PCCA: variants seen among roughly 807,000 people sequenced by gnomAD.
The protein encoded by PCCA is propionyl-CoA carboxylase subunit alpha.
A neutral mutation model predicts 101.3 loss-of-function variants in PCCA; 74 were observed. The ratio of observed to expected loss-of-function variants is 0.73; its 90% CI spans 0.61 to 0.89. PCCA has a LOEUF of 0.89. PCCA is among the 40% of genes least tolerant of loss of function. PCCA has a pLI of 0.00. For synonymous variants in PCCA, 294 were observed against 313.6 expected (o/e 0.94, Z 0.66); for missense variants, 891 against 907.0 (o/e 0.98, Z 0.23).
intron 16 of PCCA, among the ~76,000 whole-genome samples, chr13:100,315,746 T>A (rs1182098378): frequency 6.6e-6 from 1 of 152,160 alleles, no homozygotes; most frequent in East Asian, 1.9e-4. Flanking sequence ...GGCCTGGTGG[T>A]GATTTCCCAT....
intron 16 of PCCA, among the ~76,000 whole-genome samples, chr13:100,311,270 G>T (rs1316890257): frequency 1.3e-5 from 2 of 151,750 alleles, no homozygotes; most frequent in Non-Finnish European, 2.9e-5. Context: ...AAATAATTAC[G>T]TGATTTTTGT....
At chr13:100,150,860 G>A in intron 4 of PCCA, 1 of 1,573,930 alleles carries the variant, frequency 6.4e-7, no homozygotes. Context: ...GCCATAAGTT[G>A]CACCCTTAGG....
chr13:100,507,700 G>A (rs2152993079), intron 21 of PCCA, among the ~76,000 whole-genome samples: 1 of 152,114 alleles, frequency 6.6e-6, no homozygotes, highest in South Asian at 2.1e-4. Flanking sequence ...ACTGTGGCCT[G>A]GGCTGGAGTG....
Position 100,211,407 on chromosome 13 carries a change from A to G in PCCA, c.600+1944A>G, listed in dbSNP as rs866193088. Among the ~76,000 whole-genome samples, 3 of 152,198 alleles carry G rather than the reference A, an allele frequency of 2.0e-5. No individual in the cohort carries two copies. The South Asian group carries it at 6.2e-4, about 32-fold the overall frequency. ...ACTGAATTTCTCTTGCAAAGCTACC[A>G]GCAACCTCTTCCCTTTGTTAAATCA... is the stretch of plus-strand genomic sequence containing the variant. On this transcript the variant is annotated intron_variant, in intron 7 of 23. Transcript: ENST00000376285.
chr13:100,454,163 C>T (rs953850767), intron 21 of PCCA, among the ~76,000 whole-genome samples: 8 of 151,800 alleles, frequency 5.3e-5, no homozygotes, highest in African/African-American at 4.8e-5. Context: ...CGTGAGCCAC[C>T]GCACCTGGCC....
chr13:100,417,480 A>G (rs59886458), intron 19 of PCCA, among the ~76,000 whole-genome samples: 5,783 of 152,256 alleles, frequency 0.038, 418 homozygotes, highest in African/African-American at 0.13. Context: ...TCATCTTTAC[A>G]AAGATTATTC....
At chr13:100,090,714 A>T (rs914986237) in intron 1 of PCCA, among the ~76,000 whole-genome samples, 3 of 152,192 alleles carry the variant, frequency 2.0e-5, no homozygotes, top group African/African-American at 7.2e-5. Flanking sequence ...CAAGATTTTG[A>T]ATTCTGTGTT....
At chr13:100,310,472 A>G (rs976414235) in intron 16 of PCCA, among the ~76,000 whole-genome samples, 1 of 152,178 alleles carries the variant, frequency 6.6e-6, no homozygotes, top group African/African-American at 2.4e-5. Context: ...CATGAATTTG[A>G]GAGTCTGAAT....
intron 21 of PCCA, among the ~76,000 whole-genome samples, chr13:100,476,140 T>C (rs1190854641): frequency 1.3e-5 from 2 of 152,190 alleles, no homozygotes; most frequent in Non-Finnish European, 2.9e-5. Context: ...GGAAGGTCAT[T>C]ATATAAGGAG....
At chr13:100,428,689 A>C (rs2079340785) in intron 20 of PCCA, among the ~76,000 whole-genome samples, 1 of 152,096 alleles carries the variant, frequency 6.6e-6, no homozygotes, top group African/African-American at 2.4e-5. Flanking sequence ...ACCCACCCAT[A>C]GCTTACTCTG....
At position 100,394,364 on chromosome 13, in the gene PCCA, AAC is replaced by A. The variant is rs1472613803; in HGVS notation, c.1746+25794_1746+25795del. On this transcript the variant is annotated intron_variant, in intron 19 of 23. Coordinates refer to ENST00000376285, the MANE Select transcript of PCCA (RefSeq NM_000282.4). This position sits in a 1 kb window ranked among gnomAD's most constrained non-coding sequence, Gnocchi z 4.3. ...TTTATACAACTGTTATTATTAAGAAAACACAGCTTTCTTCAGCGAGGTTCCTT... is the reference window on the plus strand; with the variant it reads ...TTTATACAACTGTTATTATTAAGAAAACAGCTTTCTTCAGCGAGGTTCCTT... Among the ~76,000 whole-genome samples the A allele has an allele frequency of 6.6e-6, 1 of 152,002 alleles. No individual in the cohort carries two copies. The highest frequency in any genetic ancestry group is 1.5e-5 in the Non-Finnish European group (1 of 68,028).
At chr13:100,373,005 A>G (rs2075669852) in intron 19 of PCCA, among the ~76,000 whole-genome samples, 1 of 152,152 alleles carries the variant, frequency 6.6e-6, no homozygotes, top group South Asian at 2.1e-4. Context: ...CGGCCTCCCA[A>G]AGTGCTGGGA....
chr13:100,471,474 GCCACAAACCT>G (rs2083006657), intron 21 of PCCA, among the ~76,000 whole-genome samples: 1 of 152,194 alleles, frequency 6.6e-6, no homozygotes, highest in Admixed American at 6.5e-5. Flanking sequence ...ATAAAGGGTT[GCCACAAACCT>G]TTAAATTGTA....
At chr13:100,492,051 G>A (rs2084942690) in intron 21 of PCCA, among the ~76,000 whole-genome samples, 1 of 152,090 alleles carries the variant, frequency 6.6e-6, no homozygotes, top group Non-Finnish European at 1.5e-5. Flanking sequence ...ACTTGGAGAG[G>A]AGATGGTTCA....
At chr13:100,164,281 A>AGG (rs2054809956) in intron 6 of PCCA, among the ~76,000 whole-genome samples, 1 of 152,236 alleles carries the variant, frequency 6.6e-6, no homozygotes, top group South Asian at 2.1e-4. Context: ...TTTATTAGAT[A>AGG]GAAAAAAAAT....
intron 2 of PCCA, among the ~76,000 whole-genome samples, chr13:100,105,270 A>G (rs2047643688): frequency 6.6e-6 from 1 of 152,134 alleles, no homozygotes; most frequent in Non-Finnish European, 1.5e-5. Context: ...GGTCTATTGA[A>G]TTAGTTATGA....
chr13:100,415,408 A>C (rs2078302542), intron 19 of PCCA, among the ~76,000 whole-genome samples: 1 of 152,144 alleles, frequency 6.6e-6, no homozygotes, highest in Admixed American at 6.5e-5. Context: ...CCTGTCTCCA[A>C]AACAAAACAA....
At chr13:100,172,974 A>T (rs957882408) in intron 6 of PCCA, among the ~76,000 whole-genome samples, 7 of 152,200 alleles carry the variant, frequency 4.6e-5, no homozygotes, top group African/African-American at 1.7e-4. Flanking sequence ...TTGTGGCACA[A>T]CACAAAACCT....
intron 21 of PCCA, among the ~76,000 whole-genome samples, chr13:100,499,956 A>C (rs1189843845): frequency 1.3e-5 from 2 of 152,156 alleles, no homozygotes; most frequent in African/African-American, 2.4e-5. Flanking sequence ...TCGTTTGGGG[A>C]AAAGGAATAA....
Sources: allele counts gnomAD v4.1 joint callset (sites outside exome capture counted in the v4.1 genomes callset), GRCh38; gene constraint gnomAD v4.1.1; non-coding constraint Gnocchi (gnomAD v3.1); transcripts MANE v1.5; gene names NCBI Gene and HGNC (gene_info 2026-07-23, HGNC 2026-07-21).